FDFT1: variants seen among roughly 807,000 people sequenced by gnomAD.
The protein encoded by FDFT1 is farnesyl-diphosphate farnesyltransferase 1.
In FDFT1, 68 loss-of-function variants were observed where a neutral mutation model predicts 46.8. That is an observed-to-expected ratio of 1.45 (90% CI 1.19 to 1.78). The LOEUF (loss-of-function observed/expected upper bound fraction) is 1.78. Among genes scored for constraint, FDFT1 ranks in the 40% most tolerant of loss-of-function variants. The pLI, the probability that FDFT1 is intolerant of heterozygous loss-of-function variation, is 0.00. For missense variants in FDFT1, 928 were observed against 524.4 expected (o/e 1.77, Z -7.52); for synonymous variants, 351 against 185.1 (o/e 1.90, Z -7.28).
At chr8:11,816,718 T>TTG (rs1359178073) in intron 3 of FDFT1, among the ~76,000 whole-genome samples, 1 of 152,346 alleles carries the variant, frequency 6.6e-6, no homozygotes, top group East Asian at 1.9e-4. Flanking sequence ...CACATTGATT[T>TTG]TGTATCCTGA....
rs144388940 is a variant in FDFT1, at chr8:11,826,200, G to T, written c.687G>T (p.Glu229Asp). Reference sequence around the variant, plus strand: ...TGGAAGACCAGCAAGGAGGAAGAGAGTTCTGGCCTCAAGAGGTAACAGATT... The same window carrying T: ...TGGAAGACCAGCAAGGAGGAAGAGATTTCTGGCCTCAAGAGGTAACAGATT... ...DYLEDQQGGR[E>D]FWPQEVWSRY... Residue 229 changes from glutamate to aspartate, a missense_variant, in exon 5 of 8, where the codon GAG (glutamate) becomes GAT (aspartate). Transcript: ENST00000220584. 9 of 1,556,932 alleles carry T rather than the reference G, an allele frequency of 5.8e-6. No individual in the cohort carries two copies. In the African/African-American group the frequency reaches 1.2e-4, roughly 21 times the overall value.
chr8:11,808,515 C>A, intron 1 of FDFT1: 2 of 1,333,250 alleles, frequency 1.5e-6, no homozygotes, highest in South Asian at 2.1e-5. Context: ...GTCCGCGATT[C>A]CCATGGCCGC....
rs367679478 is a variant in FDFT1 at position 11,831,712 on chromosome 8, T to C, written c.1032+42T>C. On this transcript the variant is annotated intron_variant, in intron 7 of 7. Transcript: ENST00000220584. ...CTACTTGGATAATTTGTAGCTACTT[T>C]TATGATTTAGTAATGTCACTGTTTA... The C allele has an allele frequency of 1.2e-4, 188 of 1,510,934 alleles. No homozygotes were observed. The African/African-American group carries it at 2.2e-3, about 18-fold the overall frequency. The allele number at this position is 1,510,934 out of a possible 1,614,324, so 93.6% of individuals were successfully genotyped here.
At chr8:11,836,946 G>T (rs1811620543) in intron 7 of FDFT1, among the ~76,000 whole-genome samples, 1 of 152,174 alleles carries the variant, frequency 6.6e-6, no homozygotes, top group South Asian at 2.1e-4. Context: ...AGATAAAAAG[G>T]TGAGTAAGTA....
At position 11,802,862 on chromosome 8, in the gene FDFT1, C is replaced by T. The variant is rs745973770; in HGVS notation, c.30C>T (p.Pro10=). 1.6e-5 allele frequency: 25 copies of T among 1,611,954 alleles called. No homozygotes were observed. The Middle Eastern group carries it at 9.9e-4, about 64-fold the overall frequency. MEFVKCLGH[P]EEFYNLVRFR... ...AGTTCGTGAAATGCCTTGGCCACCC[C>T]GAAGAGTTCTACAACCTGGTGCGCT... The change falls in exon 1 of 8, where the codon CCC becomes CCT. Residue 10 remains proline (P), a synonymous_variant. Transcript: ENST00000220584.
At chr8:11,808,391 G>GC in intron 1 of FDFT1, 5 of 1,235,138 alleles carry the variant, frequency 4.0e-6, no homozygotes, top group Non-Finnish European at 5.0e-6. Context: ...GGGCTGCGGG[G>GC]CGGGCCCGTT....
At chr8:11,810,101 A>T (rs1314738489) in intron 3 of FDFT1, 1 of 449,026 alleles carries the variant, frequency 2.2e-6, no homozygotes, top group East Asian at 3.6e-5. Flanking sequence ...CATCTGTAAA[A>T]TAGGGGTAAT....
intron 3 of FDFT1, among the ~76,000 whole-genome samples, chr8:11,815,036 A>G (rs984143530): frequency 5.3e-5 from 8 of 151,638 alleles, no homozygotes; most frequent in Admixed American, 3.9e-4. Flanking sequence ...ACCCCACAAC[A>G]GGCCCCGGTA....
In FDFT1 at chr8:11,838,580, G is replaced by C. The variant is rs1415779691; in HGVS notation, c.1225G>C (p.Glu409Gln). Residue 409 changes from glutamate to glutamine, a missense_variant, in exon 8 of 8, where the codon GAA becomes CAA. Glu to Gln is a conservative substitution (Grantham distance 29, BLOSUM62 2). Transcript: ENST00000220584. ...QYLTTLSQVTEDYVQTGEH is the reference protein window; with the variant it reads ...QYLTTLSQVTQDYVQTGEH ...CCTGACCACTCTCTCCCAGGTAACA[G>C]AAGACTATGTTCAGACTGGAGAACA... 6.2e-7 allele frequency: 1 copy of C among 1,613,916 alleles called. No homozygotes were observed. The highest frequency in any genetic ancestry group is 8.5e-7 in the Non-Finnish European group (1 of 1,179,976).
chr8:11,831,674 G>A lies in FDFT1; in HGVS notation c.1032+4G>A. 2 of 1,609,824 alleles carry A rather than the reference G, an allele frequency of 1.2e-6. No individual in the cohort carries two copies. The highest frequency in any genetic ancestry group is 4.5e-5 in the East Asian group (2 of 44,764). The stretch of plus-strand genomic sequence containing the variant: ...CATATATCAGTATATGGAAGAGGTG[G>A]GTTTTTATTTAACTACTTGGATAAT... On this transcript the variant is annotated splice_donor_region_variant and intron_variant, in intron 7 of 7. Coordinates refer to ENST00000220584, the MANE Select transcript of FDFT1 (RefSeq NM_004462.5).
chr8:11,830,998 T>G (rs1339192506), intron 6 of FDFT1, among the ~76,000 whole-genome samples: 1 of 152,236 alleles, frequency 6.6e-6, no homozygotes, highest in Non-Finnish European at 1.5e-5. Flanking sequence ...TGGTTGAAAG[T>G]AAAATCTGTA....
intron 3 of FDFT1, among the ~76,000 whole-genome samples, chr8:11,818,442 T>C (rs1445629828): frequency 6.6e-6 from 1 of 152,214 alleles, no homozygotes; most frequent in Non-Finnish European, 1.5e-5. Flanking sequence ...TGTTGATCTA[T>C]CTAATATTGA....
At chr8:11,821,307 A>T (rs1310013306) in intron 3 of FDFT1, among the ~76,000 whole-genome samples, 3 of 152,264 alleles carry the variant, frequency 2.0e-5, no homozygotes, top group African/African-American at 7.2e-5. Flanking sequence ...AATAAGAAAC[A>T]TGAGGCCGGG....
upstream of FDFT1, chr8:11,802,525 C>T (rs765293904): frequency 5.6e-6 from 3 of 536,856 alleles, no homozygotes; most frequent in East Asian, 4.6e-5. Flanking sequence ...CTTTCTCGGC[C>T]TCCAATGAGC....
rs760947651 is a variant in FDFT1 at position 11,821,756 on chromosome 8, C to G, written c.388C>G (p.Leu130Val). ...QVLEDFPTIS[L>V]EFRNLAEKYQ... ...TTTACGGTTTCCATTTCAGATCTCC[C>G]TTGAGTTTAGAAATCTGGCTGAGAA... The change falls in exon 4 of 8, where the codon CTT (leucine) becomes GTT (valine). Residue 130 changes from leucine to valine, a missense_variant. Transcript: ENST00000220584. 7 of 1,613,048 alleles carry G rather than the reference C, an allele frequency of 4.3e-6. No individual in the cohort carries two copies. The South Asian group carries it at 7.7e-5, about 18-fold the overall frequency.
At chr8:11,796,695 C>T (rs553613918) in intron 1 of FDFT1, among the ~76,000 whole-genome samples, 1 of 152,154 alleles carries the variant, frequency 6.6e-6, no homozygotes, top group Non-Finnish European at 1.5e-5. Flanking sequence ...ATTTGTTTTT[C>T]TGTGGTTGAT....
At position 11,839,061 on chromosome 8, in the gene FDFT1, A is replaced by AG. The variant is rs1811969981; in HGVS notation, c.*452_*453insG. On this transcript the variant is annotated 3_prime_UTR_variant, in exon 8 of 8. Transcript: ENST00000220584. ...ATTTTGTTTTCTTTAATTGGGTTGA[A>AG]TGGAGTAGATAGAAATATTTATGGT... The AG allele has an allele frequency of 5.9e-6, 1 of 168,092 alleles. No homozygotes were observed. The highest frequency in any genetic ancestry group is 2.4e-5 in the African/African-American group (1 of 41,500). 10.4% of individuals were successfully genotyped at this position (168,092 alleles called of 1,614,324 possible).
chr8:11,818,368 C>G (rs1011746315), intron 3 of FDFT1, among the ~76,000 whole-genome samples: 1 of 152,192 alleles, frequency 6.6e-6, no homozygotes, highest in Non-Finnish European at 1.5e-5. Context: ...CTGTAGATGT[C>G]TGTTAGGTCT....
intron 1 of FDFT1, chr8:11,803,228 AT>A: frequency 7.2e-7 from 1 of 1,393,370 alleles, no homozygotes; most frequent in Non-Finnish European, 9.5e-7. Context: ...GCTTACCGGT[AT>A]TTTAACCCGA....
Sources: gnomAD v4.1 joint callset for allele counts (sites outside exome capture counted in the v4.1 genomes callset) on GRCh38, gnomAD v4.1.1 for gene constraint, MANE v1.5 for transcripts, NCBI Gene and HGNC (gene_info 2026-07-23, HGNC 2026-07-21) for gene names.